The following CYP1B1 variants were observed in gnomAD, a reference collection of about 807,000 sequenced individuals.
CYP1B1 encodes the protein cytochrome P450 1B1.
In CYP1B1, 22 loss-of-function variants were observed where a neutral mutation model predicts 29.9. The ratio of observed to expected loss-of-function variants is 0.74; its 90% CI spans 0.53 to 1.05. CYP1B1 has a LOEUF of 1.05. Among genes scored for constraint, CYP1B1 ranks in the 50% least tolerant of loss-of-function variants. CYP1B1 has a pLI of 0.00. For missense variants in CYP1B1, 883 were observed against 746.9 expected, an observed-to-expected ratio of 1.18 and a Z score of -2.12; for synonymous variants, 375 against 320.0, an observed-to-expected ratio of 1.17 and a Z score of -1.83.
rs1682403854 is a variant in CYP1B1 at position 38,070,467 on chromosome 2, C to T, written c.*255G>A. On this transcript the variant is annotated 3_prime_UTR_variant, in exon 3 of 3. Coordinates refer to ENST00000610745, the MANE Select transcript of CYP1B1 (RefSeq NM_000104.4). ...GCTACCTTCAGAAATAACCAAGATG[C>T]AGTATGTATATAATAATTCATTGGG... is the stretch of plus-strand genomic sequence containing the variant. 1 of 517,736 alleles carries T rather than the reference C, an allele frequency of 1.9e-6. No homozygotes were observed. Among genetic ancestry groups the T allele is most frequent in the Non-Finnish European group, 3.5e-6 (1 of 288,282 alleles). The allele number at this position is 517,736 out of a possible 1,614,324, so 32.1% of individuals were successfully genotyped here. A position where few individuals can be genotyped will look rare whatever the true frequency, so the allele number is the denominator to read the frequency against.
Position 38,075,340 on chromosome 2 carries a change from A to G in CYP1B1, c.49T>C (p.Ser17Pro), listed in dbSNP as rs1000852529. 2 of 1,613,144 alleles carry G rather than the reference A, an allele frequency of 1.2e-6. No homozygotes were observed. Among genetic ancestry groups the G allele is most frequent in the African/African-American group, 2.7e-5 (2 of 74,932 alleles). ...PNDPWPLNPL[S>P]IQQTTLLLLL... ...AGCAGGAGCGTGGTCTGCTGGATGG[A>G]CAGCGGGTTTAGCGGCCAAGGGTCG... Residue 17 changes from serine (S) to proline (P), a missense_variant, in exon 2 of 3, where the codon TCC (serine) becomes CCC (proline). Ser to Pro is a moderately conservative substitution (Grantham distance 74). Transcript: ENST00000610745.
chr2:38,070,099 C>T lies in CYP1B1; in HGVS notation c.*623G>A. 4.7e-6 allele frequency: 1 copy of T among 213,812 alleles called. No homozygotes were observed. Among genetic ancestry groups the T allele is most frequent in the Non-Finnish European group, 9.4e-6 (1 of 105,918 alleles). The allele number at this position is 213,812 out of a possible 1,614,324, so 13.2% of individuals were successfully genotyped here. On this transcript the variant is annotated 3_prime_UTR_variant, in exon 3 of 3. Coordinates refer to ENST00000610745, the MANE Select transcript of CYP1B1 (RefSeq NM_000104.4). ...TGAGCAACTGACTTTATGATTTATC[C>T]TTAAAAGTAAGGAAGTATACCAGAA...
rs367713104 is a variant in CYP1B1, at chr2:38,074,374, G to T, written c.1015C>A (p.Leu339Met). 34 of 1,613,538 alleles carry T rather than the reference G, an allele frequency of 2.1e-5. No homozygotes were observed. In the African/African-American group the frequency reaches 4.4e-4, roughly 21 times the overall value. ...GTGAAGAGGAGGAGCAGCCACTGCA[G>T]CGCGGTGGACAGGGTGTCCTGGCTG... ...GASQDTLSTA[L>M]QWLLLLFTRY... The change falls in exon 2 of 3, where the codon CTG becomes ATG. Residue 339 changes from leucine to methionine, a missense_variant. Transcript: ENST00000610745.
rs765666893 is a variant in CYP1B1, at chr2:38,074,417, G to GAT, written c.970_971dup (p.Thr325SerfsTer104). The GAT allele has an allele frequency of 1.1e-5, 17 of 1,613,382 alleles. No homozygotes were observed. In the East Asian group the frequency reaches 3.8e-4, roughly 36 times the overall value. On this transcript the variant is annotated frameshift_variant, in exon 2 of 3. Transcript: ENST00000610745. LOFTEE classifies it high-confidence loss of function. The stretch of plus-strand genomic sequence containing the variant: ...CCTGGCTGGCGCCGAAGATGTCAGT[G>GAT]ATAGTGGCCGGTACGTTCTCCAAAT...
In CYP1B1 at chr2:38,074,671, G is replaced by A; in HGVS notation, c.718C>T (p.Leu240=). The change falls in exon 2 of 3, where the codon CTG becomes TTG. Residue 240 remains leucine (L), a synonymous_variant. Transcript: ENST00000610745. ...TGCAGCCAGGGCATCACGTCCACCA[G>A]GCTGCCCGCGCCCACCGTGCGCCCG... ...EFGRTVGAGS[L]VDVMPWLQYF... 4 of 1,613,076 alleles carry A rather than the reference G, an allele frequency of 2.5e-6. No individual in the cohort carries two copies. The highest frequency in any genetic ancestry group is 3.4e-6 in the Non-Finnish European group (4 of 1,179,992).
chr2:38,074,483 C>A lies in CYP1B1; in HGVS notation c.906G>T (p.Lys302Asn). ...CACCGTGCGAGTCCCCGGCCGCCTT[C>A]TTTTCCGCAGAGAGGATAAAGGCGT... The part of the protein sequence containing the change: ...MMDAFILSAE[K>N]KAAGDSHGGG... The change falls in exon 2 of 3, where the codon AAG becomes AAT. Residue 302 changes from lysine to asparagine, a missense_variant. Coordinates refer to ENST00000610745, the MANE Select transcript of CYP1B1 (RefSeq NM_000104.4). The A allele has an allele frequency of 6.2e-7, 1 of 1,612,448 alleles. No individual in the cohort carries two copies. The highest frequency in any genetic ancestry group is 8.5e-7 in the Non-Finnish European group (1 of 1,179,530).
chr2:38,070,239 A>G lies in CYP1B1; in HGVS notation c.*483T>C. The G allele has an allele frequency of 4.2e-6, 1 of 239,718 alleles. No individual in the cohort carries two copies. The highest frequency in any genetic ancestry group is 2.2e-5 in the African/African-American group (1 of 45,082). The allele number at this position is 239,718 out of a possible 1,614,324, so 14.8% of individuals were successfully genotyped here. A position where few individuals can be genotyped will look rare whatever the true frequency, so the allele number is the denominator to read the frequency against. On this transcript the variant is annotated 3_prime_UTR_variant, in exon 3 of 3. Transcript: ENST00000610745. ...CTTATCACCTTCAATCACACACTTTACACTGAAATTACTTGTCTCTGTCTC... is the reference window on the plus strand; with the variant it reads ...CTTATCACCTTCAATCACACACTTTGCACTGAAATTACTTGTCTCTGTCTC...
At position 38,076,090 on chromosome 2, in the gene CYP1B1, G is replaced by A. The variant is rs1353546354; in HGVS notation, c.-312C>T. 2 of 153,276 alleles carry A rather than the reference G, an allele frequency of 1.3e-5. No homozygotes were observed. Among genetic ancestry groups the A allele is most frequent in the East Asian group, 1.9e-4 (1 of 5,194 alleles). 9.5% of individuals were successfully genotyped at this position (153,276 alleles called of 1,614,324 possible). On this transcript the variant is annotated 5_prime_UTR_variant, in exon 1 of 3. Transcript: ENST00000610745. ...GTCGGTGAGTGGCGTCAATTCCCAT[G>A]CCCTTGCGGCTCTCACAACTGGAGT...
intron 2 of CYP1B1, chr2:38,074,013 G>A: frequency 2.3e-6 from 1 of 434,894 alleles, no homozygotes; most frequent in Non-Finnish European, 4.2e-6. Flanking sequence ...CAGGGAGAGA[G>A]ATATCAGGGC....
Position 38,068,785 on chromosome 2 carries a change from G to A in CYP1B1, c.*1937C>T, listed in dbSNP as rs1274816032. On this transcript the variant is annotated 3_prime_UTR_variant, in exon 3 of 3. Coordinates refer to ENST00000610745, the MANE Select transcript of CYP1B1 (RefSeq NM_000104.4). The stretch of plus-strand genomic sequence containing the variant: ...CCTATTTGAGATTTAACTCTGCTAC[G>A]CCAAACATCTTTCTTCTAAATGTCC... 3.1e-5 allele frequency: 7 copies of A among 224,062 alleles called. No homozygotes were observed. Among genetic ancestry groups the A allele is most frequent in the Non-Finnish European group, 6.2e-5 (7 of 112,196 alleles). 13.9% of individuals were successfully genotyped at this position (224,062 alleles called of 1,614,324 possible).
In CYP1B1 at chr2:38,070,164, G is replaced by C. The variant is rs1682398899; in HGVS notation, c.*558C>G. 4.4e-6 allele frequency: 1 copy of C among 227,374 alleles called. No individual in the cohort carries two copies. The highest frequency in any genetic ancestry group is 8.8e-6 in the Non-Finnish European group (1 of 113,626). 14.1% of individuals were successfully genotyped at this position (227,374 alleles called of 1,614,324 possible). A position where few individuals can be genotyped will look rare whatever the true frequency, so the allele number is the denominator to read the frequency against. ...TCCACCCATAAATACTAGAGTCTAA[G>C]TTATTTTCCTGAAAAGGTGAAAAGG... On this transcript the variant is annotated 3_prime_UTR_variant, in exon 3 of 3. Coordinates refer to ENST00000610745, the MANE Select transcript of CYP1B1 (RefSeq NM_000104.4).
Position 38,074,465 on chromosome 2 carries a change from C to A in CYP1B1, c.924G>T (p.Ser308=), listed in dbSNP as rs749928652. The change falls in exon 2 of 3, where the codon TCG becomes TCT. Residue 308 remains serine, a synonymous_variant. Transcript: ENST00000610745. ...LSAEKKAAGD[S]HGGGARLDLE... ...AATCCAGCCGCGCGCCACCACCGTG[C>A]GAGTCCCCGGCCGCCTTCTTTTCCG... 3 of 1,613,004 alleles carry A rather than the reference C, an allele frequency of 1.9e-6. No individual in the cohort carries two copies. Among genetic ancestry groups the A allele is most frequent in the African/African-American group, 1.3e-5 (1 of 75,018 alleles).
In CYP1B1 at chr2:38,068,864, T is replaced by C; in HGVS notation, c.*1858A>G. On this transcript the variant is annotated 3_prime_UTR_variant, in exon 3 of 3. Transcript: ENST00000610745. Reference sequence around the variant, plus strand: ...TTAATTCAGAATGAGTGGGAAAATGTTTAACCATCTTTCCTTCTTTTCAGT... The same window carrying C: ...TTAATTCAGAATGAGTGGGAAAATGCTTAACCATCTTTCCTTCTTTTCAGT... 4.4e-6 allele frequency: 1 copy of C among 227,574 alleles called. No individual in the cohort carries two copies. The highest frequency in any genetic ancestry group is 8.7e-6 in the Non-Finnish European group (1 of 114,460). The allele number at this position is 227,574 out of a possible 1,614,324, so 14.1% of individuals were successfully genotyped here.
chr2:38,075,368 C>A lies in CYP1B1; in HGVS notation c.21G>T (p.Pro7=), dbSNP rs761533376. MGTSLS[P]NDPWPLNPLS... ...GCGGGTTTAGCGGCCAAGGGTCGTT[C>A]GGGCTGAGGCTGGTGCCCATGCTGG... The change falls in exon 2 of 3, where the codon CCG becomes CCT. Residue 7 remains proline (P), a synonymous_variant. Coordinates refer to ENST00000610745, the MANE Select transcript of CYP1B1 (RefSeq NM_000104.4). The A allele has an allele frequency of 1.2e-5, 19 of 1,612,692 alleles. No homozygotes were observed. In the Admixed American group the frequency reaches 1.8e-4, roughly 16 times the overall value.
intron 2 of CYP1B1, among the ~76,000 whole-genome samples, chr2:38,072,666 G>C (rs1326916835): frequency 1.3e-5 from 2 of 152,186 alleles, no homozygotes; most frequent in Admixed American, 1.3e-4. Context: ...GCAGGAGTCT[G>C]CCAACTTTTT....
At chr2:38,071,416 C>T in intron 2 of CYP1B1, 106 bp from the exon 3 acceptor site, 1 of 1,005,824 alleles carries the variant, frequency 9.9e-7, no homozygotes, top group Non-Finnish European at 1.5e-6. Flanking sequence ...CTTAAATAGG[C>T]TATCTAGCTC....
rs9341267 is a variant in CYP1B1, at chr2:38,068,515, C to T, written c.*2207G>A. The T allele has an allele frequency of 1.6e-3, 371 of 225,568 alleles. 2 individuals carry two copies. Among genetic ancestry groups the T allele is most frequent in the African/African-American group, 7.7e-3 (346 of 44,966 alleles). 14.0% of individuals were successfully genotyped at this position (225,568 alleles called of 1,614,324 possible). A position where few individuals can be genotyped will look rare whatever the true frequency, so the allele number is the denominator to read the frequency against. ...TTTCTCAATCTAAAAAAATAGGCTA[C>T]AGCAGCCCAAATTCACTGTCTCAGC... On this transcript the variant is annotated 3_prime_UTR_variant, in exon 3 of 3. Coordinates refer to ENST00000610745, the MANE Select transcript of CYP1B1 (RefSeq NM_000104.4).
Position 38,075,241 on chromosome 2 carries a change from C to T in CYP1B1, c.148G>A (p.Ala50Thr). 1 of 1,592,046 alleles carries T rather than the reference C, an allele frequency of 6.3e-7. No homozygotes were observed. Among genetic ancestry groups the T allele is most frequent in the Non-Finnish European group, 8.5e-7 (1 of 1,174,314 alleles). The change falls in exon 2 of 3, where the codon GCG (alanine) becomes ACG (threonine). Residue 50 changes from alanine to threonine, a missense_variant. By Grantham distance (58) the Ala-to-Thr change is moderately conservative. Coordinates refer to ENST00000610745, the MANE Select transcript of CYP1B1 (RefSeq NM_000104.4). ...LRQRRRQLRS[A>T]PPGPFAWPLI... ...GGCCACGCAAACGGGCCCGGGGGCG[C>T]GGACCGGAGCTGCCGCCTCCGTTGC...
chr2:38,075,109 T>A lies in CYP1B1; in HGVS notation c.280A>T (p.Ile94Leu). Residue 94 changes from isoleucine (I) to leucine (L), a missense_variant, in exon 2 of 3, where the codon ATA (isoleucine) becomes TTA (leucine). Ile to Leu is a conservative substitution (Grantham distance 5). Transcript: ENST00000610745. ...GCGCGCTCGCCATTCAGCACCACTATGGGGCAGCTGCCCAGGCGGATCTGG... is the reference window on the plus strand; with the variant it reads ...GCGCGCTCGCCATTCAGCACCACTAAGGGGCAGCTGCCCAGGCGGATCTGG... ...VFQIRLGSCP[I>L]VVLNGERAIH... 6.3e-7 allele frequency: 1 copy of A among 1,579,720 alleles called. No homozygotes were observed. The highest frequency in any genetic ancestry group is 1.1e-5 in the South Asian group (1 of 88,568).
Sources: gnomAD v4.1 joint callset for allele counts (sites outside exome capture counted in the v4.1 genomes callset) on GRCh38, gnomAD v4.1.1 for gene constraint, MANE v1.5 for transcripts, NCBI Gene and HGNC (gene_info 2026-07-23, HGNC 2026-07-21) for gene names.